SYNDIG1: variants seen among roughly 807,000 people sequenced by gnomAD.
The protein encoded by SYNDIG1 is synapse differentiation inducing 1.
In SYNDIG1, 9 loss-of-function variants were observed where a neutral mutation model predicts 19.4. The ratio of observed to expected loss-of-function variants is 0.46; its 90% CI spans 0.28 to 0.81. SYNDIG1 has a LOEUF of 0.81. Among genes scored for constraint, SYNDIG1 ranks in the 30% least tolerant of loss-of-function variants. The probability of loss-of-function intolerance (pLI) is 0.12; values close to 1 mark genes in which losing one functional copy is unlikely to be tolerated. For synonymous variants in SYNDIG1, 141 were observed against 145.9 expected, an observed-to-expected ratio of 0.97 and a Z score of 0.24; for missense variants, 311 against 343.3, an observed-to-expected ratio of 0.91 and a Z score of 0.74.
chr20:24,565,644 T>C (rs1272830043), intron 2 of SYNDIG1, among the ~76,000 whole-genome samples: 1 of 152,236 alleles, frequency 6.6e-6, no homozygotes, highest in Non-Finnish European at 1.5e-5. Flanking sequence ...CTTCCTCTAA[T>C]GCTTTGCTTT....
chr20:24,567,543 G>A (rs2146920822), intron 2 of SYNDIG1, among the ~76,000 whole-genome samples: 1 of 152,310 alleles, frequency 6.6e-6, no homozygotes, highest in East Asian at 1.9e-4. Context: ...TTGAAAAGGA[G>A]AGCCCAAAGG....
chr20:24,665,532 C>T lies in SYNDIG1; in HGVS notation c.*28C>T, dbSNP rs11553411. Reference sequence around the variant, plus strand: ...TTCCTGCGAATGGAGGGGGAGCACCCGGGGCCAGGTCTGTGTGGACGTGGA... The same window carrying T: ...TTCCTGCGAATGGAGGGGGAGCACCTGGGGCCAGGTCTGTGTGGACGTGGA... On this transcript the variant is annotated 3_prime_UTR_variant, in exon 4 of 4. Coordinates refer to ENST00000376862, the MANE Select transcript of SYNDIG1 (RefSeq NM_024893.3). 2.7e-3 allele frequency: 4,367 copies of T among 1,613,674 alleles called. 196 individuals carry two copies. In the East Asian group the frequency reaches 0.086, roughly 32 times the overall value.
intron 1 of SYNDIG1, among the ~76,000 whole-genome samples, chr20:24,522,070 T>C (rs1456440174): frequency 6.6e-6 from 1 of 152,106 alleles, no homozygotes; most frequent in East Asian, 1.9e-4. Flanking sequence ...GTGTTCATCC[T>C]GTTCTATCTT....
chr20:24,562,679 G>A (rs1296225051), intron 2 of SYNDIG1, among the ~76,000 whole-genome samples: 4 of 152,292 alleles, frequency 2.6e-5, no homozygotes, highest in African/African-American at 7.2e-5. Flanking sequence ...CTATCCAAAT[G>A]TGTGTGCTGA....
At chr20:24,565,617 A>G (rs921647363) in intron 2 of SYNDIG1, among the ~76,000 whole-genome samples, 8 of 152,222 alleles carry the variant, frequency 5.3e-5, no homozygotes, top group African/African-American at 1.9e-4. Flanking sequence ...AGGACAGATT[A>G]GTCCATTGTT....
intron 1 of SYNDIG1, among the ~76,000 whole-genome samples, chr20:24,489,932 G>A (rs2056098957): frequency 6.6e-6 from 1 of 152,234 alleles, no homozygotes. Flanking sequence ...GTGCTGCAGT[G>A]CATAGGAGCC....
At chr20:24,550,264 G>C (rs1235647977) in intron 2 of SYNDIG1, among the ~76,000 whole-genome samples, 1 of 152,098 alleles carries the variant, frequency 6.6e-6, no homozygotes, top group Non-Finnish European at 1.5e-5. Context: ...CCATATCTTG[G>C]ATATTGCGAA....
chr20:24,499,060 G>T (rs901713726), intron 1 of SYNDIG1, among the ~76,000 whole-genome samples: 4 of 152,180 alleles, frequency 2.6e-5, no homozygotes, highest in Admixed American at 1.3e-4. Context: ...TCTAGCTGTC[G>T]CAAGTGCAGG....
At chr20:24,497,509 T>C (rs7262203) in intron 1 of SYNDIG1, among the ~76,000 whole-genome samples, 11,381 of 152,262 alleles carry the variant, frequency 0.075, 591 homozygotes, top group Non-Finnish European at 0.12. Flanking sequence ...CCTCGGTTTC[T>C]CTTAATTTAG....
intron 1 of SYNDIG1, among the ~76,000 whole-genome samples, chr20:24,494,089 A>G (rs1418284254): frequency 6.6e-6 from 1 of 151,788 alleles, no homozygotes; most frequent in Non-Finnish European, 1.5e-5. Flanking sequence ...TCTGGGAGAG[A>G]ACTGGGTTTG....
intron 3 of SYNDIG1, among the ~76,000 whole-genome samples, chr20:24,603,481 T>C (rs572752001): frequency 1.3e-5 from 2 of 152,118 alleles, no homozygotes; most frequent in Admixed American, 6.5e-5. Context: ...TCCTGCACGG[T>C]AAGTGGAAAC....
chr20:24,626,063 C>T (rs1047785361), intron 3 of SYNDIG1, among the ~76,000 whole-genome samples: 5 of 150,968 alleles, frequency 3.3e-5, no homozygotes, highest in Admixed American at 2.0e-4. Context: ...ACCTCCCTCC[C>T]GGACAGGGTG....
At chr20:24,598,221 A>G (rs914948673) in intron 3 of SYNDIG1, among the ~76,000 whole-genome samples, 1 of 152,180 alleles carries the variant, frequency 6.6e-6, no homozygotes, top group African/African-American at 2.4e-5. Flanking sequence ...TGCACTCACG[A>G]AACAAGAATG....
At chr20:24,649,575 A>G (rs1028697639) in intron 3 of SYNDIG1, among the ~76,000 whole-genome samples, 4 of 152,164 alleles carry the variant, frequency 2.6e-5, no homozygotes, top group Admixed American at 2.0e-4. Context: ...TGGTTTATTA[A>G]TATGGGGTGG....
At chr20:24,539,994 C>T (rs2057437888) in intron 1 of SYNDIG1, among the ~76,000 whole-genome samples, 1 of 152,066 alleles carries the variant, frequency 6.6e-6, no homozygotes, top group South Asian at 2.1e-4. Context: ...GTTGGCCAGG[C>T]TGGTTTCGAA....
intron 1 of SYNDIG1, among the ~76,000 whole-genome samples, chr20:24,489,952 T>A (rs2056099388): frequency 6.6e-6 from 1 of 152,216 alleles, no homozygotes; most frequent in South Asian, 2.1e-4. Context: ...CCCAGATTCA[T>A]CTGGTGAGGG....
intron 3 of SYNDIG1, among the ~76,000 whole-genome samples, chr20:24,602,702 T>C (rs2058696979): frequency 6.6e-6 from 1 of 152,238 alleles, no homozygotes; most frequent in Non-Finnish European, 1.5e-5. Flanking sequence ...CTTACCTCTT[T>C]AATGCTTTAT....
intron 2 of SYNDIG1, among the ~76,000 whole-genome samples, chr20:24,582,882 C>T (rs910911132): frequency 1.9e-4 from 29 of 152,322 alleles, no homozygotes; most frequent in Admixed American, 3.9e-4. Context: ...GCAGGAGGGG[C>T]GAGGCCAGGA....
intron 3 of SYNDIG1, among the ~76,000 whole-genome samples, chr20:24,630,083 G>C (rs529772808): frequency 1.3e-5 from 2 of 152,314 alleles, no homozygotes; most frequent in South Asian, 4.1e-4. Context: ...TGCTGGTGGT[G>C]GTGAAGAATG....
Sources: allele counts gnomAD v4.1 joint callset (sites outside exome capture counted in the v4.1 genomes callset), GRCh38; gene constraint gnomAD v4.1.1; transcripts MANE v1.5; gene names NCBI Gene and HGNC (gene_info 2026-07-23, HGNC 2026-07-21).